Variants in C2CD5 observed in about 807,000 individuals in gnomAD.
C2CD5 encodes C2 domain-containing protein 5.
C2CD5 carries 109 observed loss-of-function variants against 130.3 expected under a neutral mutation model. That is an observed-to-expected ratio of 0.84 (90% CI 0.72 to 0.98). The LOEUF (loss-of-function observed/expected upper bound fraction) is 0.98, where lower values mean the gene tolerates loss of function less well. C2CD5 is among the 50% of genes least tolerant of loss of function. C2CD5 has a pLI of 0.00. For missense variants in C2CD5, 996 were observed against 1,261.8 expected (o/e 0.79, Z 3.19); for synonymous variants, 454 against 429.2 (o/e 1.06, Z -0.71).
intron 2 of C2CD5, among the ~76,000 whole-genome samples, chr12:22,540,081 A>C (rs1952213716): frequency 6.6e-6 from 1 of 152,200 alleles, no homozygotes; most frequent in African/African-American, 2.4e-5. Flanking sequence ...CAATGTACAT[A>C]ATTGTCAAGA....
chr12:22,502,894 A>T, intron 10 of C2CD5: 5 of 695,890 alleles, frequency 7.2e-6, no homozygotes, highest in Non-Finnish European at 1.3e-5. Flanking sequence ...AACGCAATTG[A>T]CAACACCACT....
Position 22,459,510 on chromosome 12 carries a change from T to C in C2CD5, c.2566A>G (p.Ile856Val), listed in dbSNP as rs770134166. The part of the protein sequence containing the change: ...HLESASSNSG[I>V]PAAQRATSVD... ...AACTCACCTCTCTGTGCAGCTGGTA[T>C]ACCTGAGTTAGAACTTGCACTCTCC... The change falls in exon 23 of 27, where the codon ATA becomes GTA. Residue 856 changes from isoleucine (I) to valine (V), a missense_variant. Physicochemically the swap from Ile to Val is conservative, Grantham distance 29 (BLOSUM62 3). Around this residue, in one of 9 missense-constraint regions of C2CD5, gnomAD observed 590 missense variants for 631.4 expected, o/e 0.93. Coordinates refer to ENST00000446597, the MANE Select transcript of C2CD5 (RefSeq NM_001286176.2). The C allele has an allele frequency of 2.0e-6, 3 of 1,532,650 alleles. No homozygotes were observed. Among genetic ancestry groups the C allele is most frequent in the East Asian group, 4.9e-5 (2 of 40,840 alleles). 94.9% of individuals were successfully genotyped at this position (1,532,650 alleles called of 1,614,324 possible).
intron 12 of C2CD5, among the ~76,000 whole-genome samples, chr12:22,487,184 C>A (rs918563585): frequency 6.6e-6 from 1 of 152,116 alleles, no homozygotes; most frequent in African/African-American, 2.4e-5. Context: ...GCAATGGCAA[C>A]AAAAGCCAAA....
chr12:22,448,698 A>G lies in C2CD5; in HGVS notation c.*1062T>C, dbSNP rs74444542. 1.8e-3 allele frequency: 268 copies of G among 152,674 alleles called. No homozygotes were observed. The East Asian group carries it at 0.022, about 13-fold the overall frequency. 9.5% of individuals were successfully genotyped at this position (152,674 alleles called of 1,614,324 possible). A position where few individuals can be genotyped will look rare whatever the true frequency, so the allele number is the denominator to read the frequency against. On this transcript the variant is annotated 3_prime_UTR_variant, in exon 27 of 27. Transcript: ENST00000446597. ...TAAGGGCAGTTTGTTGTCCTGGGGG[A>G]AAAAATCATAAGTGTTATAAAGAAA...
chr12:22,466,186 T>C (rs1321623942), intron 22 of C2CD5, among the ~76,000 whole-genome samples: 1 of 152,034 alleles, frequency 6.6e-6, no homozygotes, highest in South Asian at 2.1e-4. Context: ...AAACATACTA[T>C]GCTTAGCTCT....
intron 13 of C2CD5, 120 bp from the exon 14 acceptor site, chr12:22,482,863 T>A (rs1275953762): frequency 2.9e-6 from 2 of 698,848 alleles, no homozygotes; most frequent in Admixed American, 2.8e-5. Context: ...ATGGGCTTAC[T>A]GAGTTATATC....
intron 9 of C2CD5, 81 bp from the exon 10 acceptor site, chr12:22,506,900 C>T (rs1948610945): frequency 1.1e-5 from 9 of 797,848 alleles, no homozygotes; most frequent in Admixed American, 9.1e-5. Flanking sequence ...CTTGCCATAG[C>T]AACTGTATTA....
At chr12:22,532,330 C>CAAAA (rs200592425) in intron 3 of C2CD5, among the ~76,000 whole-genome samples, 1 of 131,500 alleles carries the variant, frequency 7.6e-6, no homozygotes, top group African/African-American at 2.8e-5. Flanking sequence ...AACTCCGTCT[C>CAAAA]AAAAAAAAAA....
chr12:22,513,504 T>G, intron 8 of C2CD5, 125 bp from the exon 9 acceptor site: 1 of 700,076 alleles, frequency 1.4e-6, no homozygotes, highest in Non-Finnish European at 2.6e-6. Flanking sequence ...TTTAAAGCAC[T>G]GGGGATGACA....
At chr12:22,529,672 C>A (rs1213201982) in intron 3 of C2CD5, among the ~76,000 whole-genome samples, 1 of 152,060 alleles carries the variant, frequency 6.6e-6, no homozygotes, top group Non-Finnish European at 1.5e-5. Context: ...TTTAAATTAG[C>A]AATATGCACT....
chr12:22,525,496 G>A (rs1030965877), intron 5 of C2CD5, 114 bp downstream of exon 5: 18 of 707,894 alleles, frequency 2.5e-5, no homozygotes, highest in Non-Finnish European at 4.6e-5. Flanking sequence ...TTTTCTCTTT[G>A]GCATTAAAAC....
intron 4 of C2CD5, among the ~76,000 whole-genome samples, chr12:22,526,253 T>C (rs1173418975): frequency 1.3e-5 from 2 of 152,026 alleles, no homozygotes; most frequent in African/African-American, 4.8e-5. Context: ...TAGAAAGGAG[T>C]CCCATTTGAA....
intron 2 of C2CD5, 94 bp downstream of exon 2, chr12:22,543,967 G>C: frequency 6.4e-6 from 6 of 937,000 alleles, no homozygotes; most frequent in South Asian, 5.4e-5. Flanking sequence ...GGCAGTCGAG[G>C]GGGGAATAGG....
chr12:22,478,634 T>A (rs1344134901), intron 14 of C2CD5, among the ~76,000 whole-genome samples, 157 bp from the exon 15 acceptor site: 1 of 152,054 alleles, frequency 6.6e-6, no homozygotes, highest in African/African-American at 2.4e-5. Flanking sequence ...TCACTTGAGG[T>A]CAGGAGTTTG....
intron 3 of C2CD5, among the ~76,000 whole-genome samples, chr12:22,533,156 T>C (rs996786920): frequency 1.3e-5 from 2 of 151,858 alleles, no homozygotes; most frequent in African/African-American, 2.4e-5. Flanking sequence ...ATGTTTAACT[T>C]GGGAAGGGGG....
Position 22,543,668 on chromosome 12 carries a change from G to A in C2CD5, c.90+393C>T, listed in dbSNP as rs937208993. 5.3e-5 allele frequency among the ~76,000 whole-genome samples: 8 copies of A among 152,052 alleles called. 1 individual carries two copies. The South Asian group carries it at 6.2e-4, about 12-fold the overall frequency. ...CCTTGGGATCTCCTGAGTGGCAGGT[G>A]GCCTGTTAATGAGTCCTGACATCAG... is the stretch of plus-strand genomic sequence containing the variant. On this transcript the variant is annotated intron_variant, in intron 2 of 26. Coordinates refer to ENST00000446597, the MANE Select transcript of C2CD5 (RefSeq NM_001286176.2).
In C2CD5 at chr12:22,506,859, G is replaced by T. The variant is rs372170678; in HGVS notation, c.1039-40C>A. 30 of 1,245,016 alleles carry T rather than the reference G, an allele frequency of 2.4e-5. 1 individual carries two copies. The South Asian group carries it at 3.6e-4, about 15-fold the overall frequency. The allele number at this position is 1,245,016 out of a possible 1,614,324, so 77.1% of individuals were successfully genotyped here. On this transcript the variant is annotated intron_variant, in intron 9 of 26. Transcript: ENST00000446597. ...AAGGGAAAAATACAACTTATCGTGT[G>T]TAGAGTGTAAAAAATTTGCTTATTA...
chr12:22,512,731 CAAA>C (rs1949325269), intron 9 of C2CD5: 1 of 1,318,322 alleles, frequency 7.6e-7, no homozygotes, highest in Non-Finnish European at 1.0e-6. Flanking sequence ...AGAAATCATC[CAAA>C]AACTGTAACT....
chr12:22,518,009 T>C lies in C2CD5; in HGVS notation c.929A>G (p.Asp310Gly). 1 of 1,613,530 alleles carries C rather than the reference T, an allele frequency of 6.2e-7. No homozygotes were observed. The highest frequency in any genetic ancestry group is 1.1e-5 in the South Asian group (1 of 91,000). ...YSRQSSSSDT[D>G]LSLTPKTGMG... ...ACCAGTTTTGGGTGTCAAACTCAAA[T>C]CTGTGTCAGAAGAAGAGGACTGTCG... Residue 310 changes from aspartate to glycine, a missense_variant, in exon 8 of 27, where the codon GAT becomes GGT. Physicochemically the swap from Asp to Gly is moderately conservative, Grantham distance 94. Coordinates refer to ENST00000446597, the MANE Select transcript of C2CD5 (RefSeq NM_001286176.2).
Sources: gnomAD v4.1 joint callset for allele counts (sites outside exome capture counted in the v4.1 genomes callset) on GRCh38, gnomAD v4.1.1 for gene constraint, gnomAD v4.1.1 regional missense constraint, MANE v1.5 for transcripts, NCBI Gene and HGNC (gene_info 2026-07-23, HGNC 2026-07-21) for gene names.